Variants in CNKSR2 observed in about 807,000 individuals in gnomAD.
The protein encoded by CNKSR2 is CNK homolog protein 2.
CNKSR2 carries 14 observed loss-of-function variants against 84.4 expected under a neutral mutation model. That is an observed-to-expected ratio of 0.17 (90% CI 0.11 to 0.26). The LOEUF (loss-of-function observed/expected upper bound fraction) is 0.26, where lower values mean the gene tolerates loss of function less well. Among genes scored for constraint, CNKSR2 ranks in the 10% least tolerant of loss-of-function variants. The pLI is 1.00. For missense variants in CNKSR2, 485 were observed against 771.2 expected (o/e 0.63, Z 4.40); for synonymous variants, 275 against 277.9 (o/e 0.99, Z 0.10).
At chrX:21,536,829 GTT>G (rs57674975) in intron 11 of CNKSR2, among the ~76,000 whole-genome samples, 2 of 93,096 alleles carry the variant, frequency 2.1e-5, no homozygotes, top group African/African-American at 7.9e-5. Flanking sequence ...TCTTCTGTAG[GTT>G]TTTTTTTTTT....
At chrX:21,483,220 G>A (rs1302393208) in intron 5 of CNKSR2, among the ~76,000 whole-genome samples, 1 of 111,274 alleles carries the variant, frequency 9.0e-6, no homozygotes, top group Non-Finnish European at 1.9e-5. Flanking sequence ...TGTACACTAT[G>A]GAATACTATG....
At chrX:21,545,600 C>T (rs1375568432) in intron 11 of CNKSR2, among the ~76,000 whole-genome samples, 1 of 112,340 alleles carries the variant, frequency 8.9e-6, no homozygotes, top group Non-Finnish European at 1.9e-5. Flanking sequence ...TAAGTGGGTC[C>T]CTGACCCCCA....
At chrX:21,483,467 G>C (rs2091344341) in intron 5 of CNKSR2, among the ~76,000 whole-genome samples, 1 of 108,925 alleles carries the variant, frequency 9.2e-6, no homozygotes, top group African/African-American at 3.3e-5. Context: ...GGGAGGGATA[G>C]CATTAGGAGA....
chrX:21,543,971 A>G lies in CNKSR2; in HGVS notation c.1303+11904A>G, dbSNP rs752934906. 1.8e-4 allele frequency among the ~76,000 whole-genome samples: 20 copies of G among 111,363 alleles called. No individual in the cohort carries two copies. In the East Asian group the frequency reaches 5.1e-3, roughly 28 times the overall value. On this transcript the variant is annotated intron_variant, in intron 11 of 21. Transcript: ENST00000379510. The stretch of plus-strand genomic sequence containing the variant: ...TGAGTAGCTGGGATTACAGGCGTGC[A>G]TCACCACGCCTGGCTAATTAGCAGA...
chrX:21,505,859 C>A (rs1391136281), intron 8 of CNKSR2: 1 of 111,402 alleles, frequency 9.0e-6, no homozygotes, highest in East Asian at 2.8e-4. Flanking sequence ...AGCAGATGTA[C>A]TTTCTTTCTC....
At chrX:21,388,028 T>C (rs1239010384) in intron 1 of CNKSR2, among the ~76,000 whole-genome samples, 1 of 109,706 alleles carries the variant, frequency 9.1e-6, no homozygotes, top group Non-Finnish European at 1.9e-5. Flanking sequence ...GCCTCTCGAG[T>C]AGCTGGGACT....
Position 21,470,763 on chromosome X carries a change from C to A in CNKSR2, c.520-3C>A. The A allele has an allele frequency of 1.0e-6, 1 of 963,695 alleles. No individual in the cohort carries two copies. Among genetic ancestry groups the A allele is most frequent in the East Asian group, 3.3e-5 (1 of 29,952 alleles). 79.4% of individuals were successfully genotyped at this position (963,695 alleles called of 1,213,427 possible). A position where few individuals can be genotyped will look rare whatever the true frequency, so the allele number is the denominator to read the frequency against. ...TCTAATGTATATGGTTCTTTTTTTT[C>A]AGGATTGTACTGTATATGAAACAGA... On this transcript the variant is annotated splice_region_variant and splice_polypyrimidine_tract_variant and intron_variant, in intron 4 of 21. Transcript: ENST00000379510.
chrX:21,483,593 A>AATATATATATATATATAT (rs10592013), intron 5 of CNKSR2, among the ~76,000 whole-genome samples: 1 of 98,738 alleles, frequency 1.0e-5, no homozygotes, highest in African/African-American at 3.7e-5. Flanking sequence ...AGTATAATAA[A>AATATATATATATATATAT]ATATATATAT....
chrX:21,629,052 T>TA (rs1475849942), intron 20 of CNKSR2, among the ~76,000 whole-genome samples: 1 of 112,350 alleles, frequency 8.9e-6, no homozygotes, highest in Admixed American at 9.4e-5. Flanking sequence ...CCAGATACCC[T>TA]AAATCATCTC....
chrX:21,644,858 A>G (rs2092702258), intron 20 of CNKSR2: 1 of 112,167 alleles, frequency 8.9e-6, no homozygotes. Context: ...TCTGTTCGAT[A>G]AAACGGAAGT....
chrX:21,515,142 C>T (rs757436442), intron 8 of CNKSR2, among the ~76,000 whole-genome samples: 1 of 111,271 alleles, frequency 9.0e-6, no homozygotes, highest in East Asian at 2.8e-4. Context: ...TAACATCTCA[C>T]TTCTTGTTTG....
intron 13 of CNKSR2, among the ~76,000 whole-genome samples, chrX:21,585,353 G>T (rs945726604): frequency 2.4e-4 from 26 of 107,215 alleles, no homozygotes; most frequent in Non-Finnish European, 4.4e-4. Context: ...AGGGAGAACT[G>T]TCAGGGGGTA....
intron 20 of CNKSR2, chrX:21,644,582 A>G (rs367656424): frequency 9.0e-6 from 1 of 111,623 alleles, no homozygotes; most frequent in East Asian, 2.8e-4. Flanking sequence ...AAAGAAAACC[A>G]TCACTCTGTT....
At chrX:21,590,680 A>C in intron 14 of CNKSR2, 60 bp downstream of exon 14, 3 of 1,091,603 alleles carry the variant, frequency 2.7e-6, no homozygotes, top group Non-Finnish European at 3.8e-6. Flanking sequence ...TCCCCAACAC[A>C]CTTCATCCAT....
chrX:21,624,356 A>C (rs2092613921), intron 20 of CNKSR2, among the ~76,000 whole-genome samples: 1 of 111,951 alleles, frequency 8.9e-6, no homozygotes, highest in South Asian at 3.7e-4. Flanking sequence ...CTAAAATCTC[A>C]AGAACCATTT....
intron 1 of CNKSR2, among the ~76,000 whole-genome samples, chrX:21,417,665 TC>T (rs1408261866): frequency 1.8e-5 from 2 of 111,809 alleles, no homozygotes; most frequent in Non-Finnish European, 3.8e-5. Context: ...TTATTTTGCC[TC>T]TTTTTATAGA....
At chrX:21,546,717 T>G (rs770797537) in intron 11 of CNKSR2, among the ~76,000 whole-genome samples, 1 of 111,578 alleles carries the variant, frequency 9.0e-6, no homozygotes, top group South Asian at 3.8e-4. Flanking sequence ...CCAATCAGAC[T>G]AACAGCAGAT....
In CNKSR2 at chrX:21,627,225, G is replaced by A. The variant is rs200068959; in HGVS notation, c.2692+17608G>A. On this transcript the variant is annotated intron_variant, in intron 20 of 21. Coordinates refer to ENST00000379510, the MANE Select transcript of CNKSR2 (RefSeq NM_014927.5). The stretch of plus-strand genomic sequence containing the variant: ...GACATACATAAGGCCGGGCGCGGTG[G>A]CTCACACCTGTAATCCCAGCACTTT... 1.7e-4 allele frequency among the ~76,000 whole-genome samples: 19 copies of A among 110,980 alleles called. No homozygotes were observed. In the East Asian group the frequency reaches 3.7e-3, roughly 21 times the overall value.
chrX:21,460,946 C>A (rs1416150244), intron 4 of CNKSR2, among the ~76,000 whole-genome samples: 1 of 112,482 alleles, frequency 8.9e-6, no homozygotes, highest in African/African-American at 3.2e-5. Flanking sequence ...TTGGTAGACA[C>A]AGGTTGCTTC....
Sources: allele counts gnomAD v4.1 joint callset (sites outside exome capture counted in the v4.1 genomes callset), GRCh38; gene constraint gnomAD v4.1.1; transcripts MANE v1.5; gene names NCBI Gene and HGNC (gene_info 2026-07-23, HGNC 2026-07-21).